ZMAT4: variants seen among roughly 807,000 people sequenced by gnomAD.
ZMAT4 encodes the protein zinc finger matrin-type protein 4.
ZMAT4 carries 17 observed loss-of-function variants against 28.7 expected under a neutral mutation model. That is an observed-to-expected ratio of 0.59 (90% CI 0.41 to 0.89). The LOEUF is 0.89. Ranked by LOEUF, ZMAT4 falls within the 40% of genes least tolerant of loss-of-function variation. The pLI is 0.00. For missense variants in ZMAT4, 240 were observed against 283.8 expected (o/e 0.85, Z 1.11); for synonymous variants, 117 against 109.2 (o/e 1.07, Z -0.44).
At chr8:40,822,258 T>G (rs914970246) in intron 2 of ZMAT4, among the ~76,000 whole-genome samples, 1 of 152,180 alleles carries the variant, frequency 6.6e-6, no homozygotes, top group Non-Finnish European at 1.5e-5. Context: ...AAGGATCATT[T>G]CTCATATAGG....
chr8:40,709,922 C>T (rs1355616610), intron 3 of ZMAT4, among the ~76,000 whole-genome samples: 2 of 151,760 alleles, frequency 1.3e-5, no homozygotes, highest in East Asian at 3.9e-4. Context: ...CCTGTAATCT[C>T]AGCTACTGGG....
intron 6 of ZMAT4, among the ~76,000 whole-genome samples, chr8:40,578,601 CCTCT>C (rs199620774): frequency 1.3e-5 from 2 of 151,704 alleles, no homozygotes; most frequent in African/African-American, 4.8e-5. Context: ...TTCTCTCTCT[CCTCT>C]CTCTCTCTCT....
At chr8:40,760,393 C>T (rs1223064092) in intron 3 of ZMAT4, among the ~76,000 whole-genome samples, 1 of 152,134 alleles carries the variant, frequency 6.6e-6, no homozygotes. Context: ...CACCTGCCCT[C>T]AGGAACCGAG....
At chr8:40,616,971 G>A (rs1721529697) in intron 5 of ZMAT4, among the ~76,000 whole-genome samples, 1 of 151,280 alleles carries the variant, frequency 6.6e-6, no homozygotes, top group Non-Finnish European at 1.5e-5. Flanking sequence ...GAGTGAAGAA[G>A]GACACATAAT....
rs561630166 is a variant in ZMAT4, at chr8:40,768,792, T to C, written c.103-1062A>G. Among the ~76,000 whole-genome samples the C allele has an allele frequency of 3.3e-5, 5 of 152,322 alleles. No individual in the cohort carries two copies. In the East Asian group the frequency reaches 9.7e-4, roughly 29 times the overall value. ...TTGACTGCATCACCTCTCGAATCTATTGTTCCCTAATTCCAATCCCCCTTC... is the reference window on the plus strand; with the variant it reads ...TTGACTGCATCACCTCTCGAATCTACTGTTCCCTAATTCCAATCCCCCTTC... On this transcript the variant is annotated intron_variant, in intron 2 of 6. Transcript: ENST00000297737.
chr8:40,674,829 G>A lies in ZMAT4; in HGVS notation c.452C>T (p.Ala151Val), dbSNP rs1376985871. 1.9e-6 allele frequency: 3 copies of A among 1,613,894 alleles called. No homozygotes were observed. Among genetic ancestry groups the A allele is most frequent in the South Asian group, 2.2e-5 (2 of 91,074 alleles). The stretch of plus-strand genomic sequence containing the variant: ...CATCAGAGGGTTATTAAACCAGGCT[G>A]CACAGAGCCCACAGTATCTGTCTGA... ...RDSDRYCGLC[A>V]AWFNNPLMAQ... Residue 151 changes from alanine (A) to valine (V), a missense_variant, in exon 5 of 7, where the codon GCA becomes GTA. By Grantham distance (64) the Ala-to-Val change is moderately conservative. Coordinates refer to ENST00000297737, the MANE Select transcript of ZMAT4 (RefSeq NM_024645.3).
In ZMAT4 at chr8:40,791,706, A is replaced by G. The variant is rs374069863; in HGVS notation, c.103-23976T>C. ...AGATTTTTTTAAATAATAGCTATTG[A>G]CCAACTACGGACTCTAAGACCAGCA... On this transcript the variant is annotated intron_variant, in intron 2 of 6. Transcript: ENST00000297737. 9.9e-5 allele frequency among the ~76,000 whole-genome samples: 15 copies of G among 152,210 alleles called. No individual in the cohort carries two copies. The East Asian group carries it at 1.3e-3, about 14-fold the overall frequency.
At chr8:40,886,455 G>T (rs1449982138) in intron 1 of ZMAT4, among the ~76,000 whole-genome samples, 1 of 152,236 alleles carries the variant, frequency 6.6e-6, no homozygotes, top group Non-Finnish European at 1.5e-5. Flanking sequence ...ACAGCAGACG[G>T]CGCACAGGCT....
chr8:40,742,293 T>C (rs917495044), intron 3 of ZMAT4, among the ~76,000 whole-genome samples: 2 of 151,384 alleles, frequency 1.3e-5, no homozygotes, highest in Non-Finnish European at 2.9e-5. Context: ...GTAACCCCAA[T>C]TCTGCCTAAA....
chr8:40,584,045 T>C (rs1344636442), intron 5 of ZMAT4, among the ~76,000 whole-genome samples: 3 of 152,190 alleles, frequency 2.0e-5, no homozygotes, highest in Non-Finnish European at 4.4e-5. Context: ...TTTTGAAATT[T>C]GTAGCTATCA....
At chr8:40,590,920 A>C (rs1804873339) in intron 5 of ZMAT4, among the ~76,000 whole-genome samples, 1 of 152,102 alleles carries the variant, frequency 6.6e-6, no homozygotes, top group Admixed American at 6.6e-5. Flanking sequence ...AGGGATAGCA[A>C]ATATAATTCA....
intron 3 of ZMAT4, among the ~76,000 whole-genome samples, chr8:40,714,049 G>A (rs1457145082): frequency 6.6e-6 from 1 of 151,446 alleles, no homozygotes; most frequent in African/African-American, 2.4e-5. Flanking sequence ...ATTATTTAAT[G>A]AGTTACCATT....
rs1436933950 is a variant in ZMAT4, at chr8:40,675,388, G to GCTCAAT, written c.350-458_350-457insATTGAG. On this transcript the variant is annotated intron_variant, in intron 4 of 6. Transcript: ENST00000297737. ...GAAAAAAAATGTAGTAAAATACAGGGGACAAGCTCAATGAGCCAGGTAAAA... is the reference window on the plus strand; with the variant it reads ...GAAAAAAAATGTAGTAAAATACAGGGCTCAATGACAAGCTCAATGAGCCAGGTAAAA... Among the ~76,000 whole-genome samples the GCTCAAT allele has an allele frequency of 1.7e-3, 254 of 152,106 alleles. 3 individuals are homozygous for GCTCAAT. Among genetic ancestry groups the GCTCAAT allele is most frequent in the African/African-American group, 5.8e-3 (242 of 41,506 alleles).
chr8:40,881,528 CAGAAAGAAAG>C (rs1219470983), intron 1 of ZMAT4, among the ~76,000 whole-genome samples: 2 of 51,916 alleles, frequency 3.9e-5, no homozygotes, highest in African/African-American at 7.9e-5. Context: ...GAGAGAGAGA[CAGAAAGAAAG>C]AAAGAAAGAA....
chr8:40,831,657 AT>A (rs1816284464), intron 1 of ZMAT4, among the ~76,000 whole-genome samples: 1 of 152,174 alleles, frequency 6.6e-6, no homozygotes, highest in Admixed American at 6.5e-5. Context: ...CACCCATACT[AT>A]CCCTCACTGG....
Position 40,602,263 on chromosome 8 carries a change from G to A in ZMAT4, c.578-21002C>T, listed in dbSNP as rs117434653. On this transcript the variant is annotated intron_variant, in intron 5 of 6. Coordinates refer to ENST00000297737, the MANE Select transcript of ZMAT4 (RefSeq NM_024645.3). ...TATATCACGTTTTCTTTATCCACTC[G>A]ATTGATAGGCACTTGGGCTGGTTCC... 4.9e-4 allele frequency among the ~76,000 whole-genome samples: 75 copies of A among 152,230 alleles called. No homozygotes were observed. The East Asian group carries it at 0.014, about 28-fold the overall frequency.
At chr8:40,616,650 A>C (rs1806017455) in intron 5 of ZMAT4, among the ~76,000 whole-genome samples, 1 of 151,982 alleles carries the variant, frequency 6.6e-6, no homozygotes, top group Non-Finnish European at 1.5e-5. Flanking sequence ...AAAACCAAAC[A>C]CTGCATGTTC....
chr8:40,643,515 A>G (rs1390076031), intron 5 of ZMAT4, among the ~76,000 whole-genome samples: 1 of 152,174 alleles, frequency 6.6e-6, no homozygotes, highest in Non-Finnish European at 1.5e-5. Flanking sequence ...AGTGACAGAT[A>G]TTGTGCTAAA....
chr8:40,531,700 GAA>G lies in ZMAT4; in HGVS notation c.*521_*522del, dbSNP rs140243018. ...CTGGCTCCTGTGCTTGGAGAACGGAGAAAACGACTGGTATTTATTTGTCCATT... is the reference window on the plus strand; with the variant it reads ...CTGGCTCCTGTGCTTGGAGAACGGAGAACGACTGGTATTTATTTGTCCATT... On this transcript the variant is annotated 3_prime_UTR_variant, in exon 7 of 7. Coordinates refer to ENST00000297737, the MANE Select transcript of ZMAT4 (RefSeq NM_024645.3). The G allele has an allele frequency of 0.053, 8,156 of 152,648 alleles. 452 individuals carry two copies. The highest frequency in any genetic ancestry group is 0.15 in the African/African-American group (6,076 of 41,512). The allele number at this position is 152,648 out of a possible 1,614,324, so 9.5% of individuals were successfully genotyped here. A position where few individuals can be genotyped will look rare whatever the true frequency, so the allele number is the denominator to read the frequency against.
Sources: allele counts gnomAD v4.1 joint callset (sites outside exome capture counted in the v4.1 genomes callset), GRCh38; gene constraint gnomAD v4.1.1; transcripts MANE v1.5; gene names NCBI Gene and HGNC (gene_info 2026-07-23, HGNC 2026-07-21).